The following SLFN5 variants were observed in gnomAD, a reference collection of about 807,000 sequenced individuals.
The protein encoded by SLFN5 is schlafen family member 5.
A neutral mutation model predicts 48.5 loss-of-function variants in SLFN5; 34 were observed. That is an observed-to-expected ratio of 0.70 (90% CI 0.53 to 0.93). The LOEUF (loss-of-function observed/expected upper bound fraction) is 0.93, where lower values mean the gene tolerates loss of function less well. Ranked by LOEUF, SLFN5 falls within the 40% of genes least tolerant of loss-of-function variation. The probability of loss-of-function intolerance (pLI) is 0.00; values close to 1 mark genes in which losing one functional copy is unlikely to be tolerated. For synonymous variants in SLFN5, 387 were observed against 396.2 expected (o/e 0.98, Z 0.28); for missense variants, 1,006 against 1,071.3 (o/e 0.94, Z 0.85).
At chr17:35,252,395 C>T (rs542174328) in intron 1 of SLFN5, among the ~76,000 whole-genome samples, 1 of 152,028 alleles carries the variant, frequency 6.6e-6, no homozygotes, top group Non-Finnish European at 1.5e-5. Context: ...TGCACTCCAG[C>T]CTGGGTGACA....
At position 35,259,124 on chromosome 17, in the gene SLFN5, C is replaced by A. The variant is rs150596834; in HGVS notation, c.434C>A (p.Thr145Lys). The change falls in exon 2 of 5, where the codon ACG becomes AAG. Residue 145 changes from threonine to lysine, a missense_variant. Thr to Lys is a moderately conservative substitution (Grantham distance 78). Transcript: ENST00000299977. ...CTCAAATGCAGGACTCAGACTCCAACGAATATTAATGTTTCCAATTCATTA... is the reference window on the plus strand; with the variant it reads ...CTCAAATGCAGGACTCAGACTCCAAAGAATATTAATGTTTCCAATTCATTA... Reference protein sequence around the residue: ...AFLKCRTQTPTNINVSNSLGP... With the variant: ...AFLKCRTQTPKNINVSNSLGP... 1.2e-6 allele frequency: 2 copies of A among 1,613,992 alleles called. No individual in the cohort carries two copies. Among genetic ancestry groups the A allele is most frequent in the East Asian group, 2.2e-5 (1 of 44,898 alleles).
At position 35,270,318 on chromosome 17, in the gene SLFN5, C is replaced by T. The variant is rs965639479; in HGVS notation, c.*4430C>T. ...GCATAAAGACCTTGAAGGTCACATG[C>T]TGAAATCGCCCTCTACTAAAACAAA... On this transcript the variant is annotated 3_prime_UTR_variant, in exon 5 of 5. Coordinates refer to ENST00000299977, the MANE Select transcript of SLFN5 (RefSeq NM_144975.4). The T allele has an allele frequency of 6.6e-6, 1 of 152,176 alleles. No individual in the cohort carries two copies. The highest frequency in any genetic ancestry group is 6.6e-5 in the Admixed American group (1 of 15,264). The allele number at this position is 152,176 out of a possible 1,614,324, so 9.4% of individuals were successfully genotyped here.
At chr17:35,254,798 C>T (rs1023582121) in intron 1 of SLFN5, among the ~76,000 whole-genome samples, 2 of 152,206 alleles carry the variant, frequency 1.3e-5, no homozygotes, top group African/African-American at 4.8e-5. Flanking sequence ...GGGTGGATCA[C>T]CTGAGGTCAG....
At chr17:35,246,372 T>C (rs949983643) in intron 1 of SLFN5, among the ~76,000 whole-genome samples, 13 of 152,172 alleles carry the variant, frequency 8.5e-5, no homozygotes, top group African/African-American at 2.4e-4. Context: ...TGTGTTGCCA[T>C]GGTGGTTTGC....
intron 1 of SLFN5, among the ~76,000 whole-genome samples, chr17:35,250,675 A>G (rs962255448): frequency 7.2e-6 from 1 of 139,818 alleles, no homozygotes; most frequent in African/African-American, 2.7e-5. Flanking sequence ...AAAAAAAAAG[A>G]GTTAAAAGAC....
intron 1 of SLFN5, among the ~76,000 whole-genome samples, chr17:35,255,959 T>G (rs754233355): frequency 2.6e-5 from 4 of 152,232 alleles, no homozygotes; most frequent in Non-Finnish European, 5.9e-5. Context: ...AATAACACAT[T>G]ATTTAGTTTT....
chr17:35,254,754 C>T (rs906788533), intron 1 of SLFN5, among the ~76,000 whole-genome samples: 1 of 152,182 alleles, frequency 6.6e-6, no homozygotes, highest in Admixed American at 6.5e-5. Flanking sequence ...TGGTGGCTCA[C>T]GCCTGTAATC....
intron 1 of SLFN5, among the ~76,000 whole-genome samples, chr17:35,253,359 A>T (rs925238262): frequency 1.3e-5 from 2 of 149,934 alleles, no homozygotes; most frequent in Admixed American, 1.3e-4. Context: ...ACTGTATAGC[A>T]CTCTCTCTCT....
In SLFN5 at chr17:35,272,197, T is replaced by G. The variant is rs990307810; in HGVS notation, c.*6309T>G. The G allele has an allele frequency of 3.3e-5, 5 of 152,094 alleles. No homozygotes were observed. The highest frequency in any genetic ancestry group is 9.7e-5 in the African/African-American group (4 of 41,400). The allele number at this position is 152,094 out of a possible 1,614,324, so 9.4% of individuals were successfully genotyped here. ...TATGTGGAGGGTCAATGGAACAAGA[T>G]GAAATGGCCAAAAATAAATTTAAAA... On this transcript the variant is annotated 3_prime_UTR_variant, in exon 5 of 5. Coordinates refer to ENST00000299977, the MANE Select transcript of SLFN5 (RefSeq NM_144975.4).
intron 3 of SLFN5, among the ~76,000 whole-genome samples, chr17:35,262,826 T>G (rs1375117940): frequency 6.6e-6 from 1 of 152,064 alleles, no homozygotes; most frequent in Non-Finnish European, 1.5e-5. Flanking sequence ...ATCATACCAT[T>G]GTACCCCAGT....
intron 1 of SLFN5, among the ~76,000 whole-genome samples, chr17:35,249,403 G>A (rs1025819836): frequency 6.6e-5 from 10 of 152,308 alleles, no homozygotes; most frequent in South Asian, 2.1e-4. Flanking sequence ...GTGCTCAGAG[G>A]AAGGAGAAAC....
chr17:35,264,672 T>A lies in SLFN5; in HGVS notation c.1628T>A (p.Phe543Tyr), dbSNP rs765425417. The change falls in exon 4 of 5, where the codon TTC becomes TAC. Residue 543 changes from phenylalanine (F) to tyrosine (Y), a missense_variant. By Grantham distance (22) the Phe-to-Tyr change is conservative (BLOSUM62 3). Transcript: ENST00000299977. ...ATAGTCTTGCTTGGGTTCAAATCCT[T>A]CTTAAGTGAAGAGCTGGGCTCTGAG... is the stretch of plus-strand genomic sequence containing the variant. Reference protein sequence around the residue: ...LVIVLLGFKSFLSEELGSEVL... With the variant: ...LVIVLLGFKSYLSEELGSEVL... The A allele has an allele frequency of 1.2e-6, 2 of 1,613,430 alleles. No individual in the cohort carries two copies. Among genetic ancestry groups the A allele is most frequent in the East Asian group, 4.5e-5 (2 of 44,890 alleles).
intron 2 of SLFN5, 115 bp downstream of exon 2, chr17:35,259,817 C>CG (rs769384874): frequency 2.4e-6 from 3 of 1,265,126 alleles, no homozygotes; most frequent in Non-Finnish European, 3.2e-6. Context: ...GATTTACTCT[C>CG]TGATTTGCAA....
chr17:35,267,382 T>TA lies in SLFN5; in HGVS notation c.*1495dup, dbSNP rs1567794064. 6.6e-6 allele frequency: 1 copy of TA among 151,924 alleles called. No individual in the cohort carries two copies. Among genetic ancestry groups the TA allele is most frequent in the East Asian group, 1.9e-4 (1 of 5,186 alleles). 9.4% of individuals were successfully genotyped at this position (151,924 alleles called of 1,614,324 possible). ...CCTTACACTATAAACATCTAATAGA[T>TA]ATGTATGAAAATTTAAAAACTAGAA... is the stretch of plus-strand genomic sequence containing the variant. On this transcript the variant is annotated 3_prime_UTR_variant, in exon 5 of 5. Coordinates refer to ENST00000299977, the MANE Select transcript of SLFN5 (RefSeq NM_144975.4).
rs778409855 is a variant in SLFN5 at position 35,265,837 on chromosome 17, T to C, written c.2625T>C (p.Cys875=). Residue 875 remains cysteine (C), a synonymous_variant, in exon 5 of 5, where the codon TGT becomes TGC. Transcript: ENST00000299977. ...PPAGAYNLLL[C]LASRAKRHLY... Reference sequence around the variant, plus strand: ...CTGGGGCCTACAATCTTCTGCTCTGTTTGGCTTCTAGGGCAAAAAGACATC... The same window carrying C: ...CTGGGGCCTACAATCTTCTGCTCTGCTTGGCTTCTAGGGCAAAAAGACATC... 1.2e-5 allele frequency: 19 copies of C among 1,613,190 alleles called. No individual in the cohort carries two copies. In the African/African-American group the frequency reaches 2.5e-4, roughly 22 times the overall value.
At chr17:35,244,708 G>A (rs2092426861) in intron 1 of SLFN5, among the ~76,000 whole-genome samples, 1 of 152,038 alleles carries the variant, frequency 6.6e-6, no homozygotes, top group African/African-American at 2.4e-5. Flanking sequence ...GGTGGATCAC[G>A]TGAGGTGGGC....
chr17:35,254,304 C>G (rs2092449863), intron 1 of SLFN5, among the ~76,000 whole-genome samples: 1 of 152,202 alleles, frequency 6.6e-6, no homozygotes, highest in South Asian at 2.1e-4. Flanking sequence ...TAGGCTCTGT[C>G]CACCGAAGCC....
At chr17:35,260,168 C>A (rs759161893) in intron 2 of SLFN5, among the ~76,000 whole-genome samples, 78 of 152,016 alleles carry the variant, frequency 5.1e-4, no homozygotes, top group Non-Finnish European at 1.1e-3. Context: ...TTTTTTGAAC[C>A]AAAATATGAC....
Position 35,267,293 on chromosome 17 carries a change from G to A in SLFN5, c.*1405G>A, listed in dbSNP as rs1389293306. The A allele has an allele frequency of 6.6e-6, 1 of 152,110 alleles. No homozygotes were observed. Among genetic ancestry groups the A allele is most frequent in the Non-Finnish European group, 1.5e-5 (1 of 68,038 alleles). 9.4% of individuals were successfully genotyped at this position (152,110 alleles called of 1,614,324 possible). A position where few individuals can be genotyped will look rare whatever the true frequency, so the allele number is the denominator to read the frequency against. ...CCTTTACCAATATGTAAAAGAATGT[G>A]CAAAATTAGTAAAAATATACCCAAA... On this transcript the variant is annotated 3_prime_UTR_variant, in exon 5 of 5. Transcript: ENST00000299977.
Sources: allele counts gnomAD v4.1 joint callset (sites outside exome capture counted in the v4.1 genomes callset), GRCh38; gene constraint gnomAD v4.1.1; transcripts MANE v1.5; gene names NCBI Gene and HGNC (gene_info 2026-07-23, HGNC 2026-07-21).